MAP7: variants seen among roughly 807,000 people sequenced by gnomAD.
The protein encoded by MAP7 is microtubule associated protein 7.
In MAP7, 52 loss-of-function variants were observed where a neutral mutation model predicts 94.8. The observed-to-expected ratio is 0.55, with a 90% CI of 0.44 to 0.69. The LOEUF (loss-of-function observed/expected upper bound fraction) is 0.69. Ranked by LOEUF, MAP7 falls within the 30% of genes least tolerant of loss-of-function variation. The pLI, the probability that MAP7 is intolerant of heterozygous loss-of-function variation, is 0.00. For missense variants in MAP7, 940 were observed against 964.6 expected (o/e 0.97, Z 0.34); for synonymous variants, 350 against 357.0 (o/e 0.98, Z 0.22).
chr6:136,466,903 C>T, intron 1 of MAP7: 2 of 1,502,238 alleles, frequency 1.3e-6, no homozygotes, highest in South Asian at 2.6e-5. Context: ...ATCATGCTAA[C>T]TATTATCTCT....
rs758758122 is a variant in MAP7, at chr6:136,356,645, G to A, written c.2015+47C>T. On this transcript the variant is annotated intron_variant, in intron 16 of 17. Transcript: ENST00000354570. ...TTTGAAATTCTGGTGGAGCTGGTGG[G>A]TAAAAACAGTAATGTTTTACTTTAA... 10 of 1,440,522 alleles carry A rather than the reference G, an allele frequency of 6.9e-6. No individual in the cohort carries two copies. The African/African-American group carries it at 1.3e-4, about 18-fold the overall frequency. 89.2% of individuals were successfully genotyped at this position (1,440,522 alleles called of 1,614,324 possible).
At chr6:136,423,055 T>C (rs1230532445) in intron 1 of MAP7, among the ~76,000 whole-genome samples, 1 of 152,192 alleles carries the variant, frequency 6.6e-6, no homozygotes, top group Non-Finnish European at 1.5e-5. Flanking sequence ...AAAGATTAAC[T>C]GAGAAGACAC....
intron 2 of MAP7, among the ~76,000 whole-genome samples, chr6:136,419,676 G>A (rs1044657656): frequency 6.6e-6 from 1 of 152,208 alleles, no homozygotes; most frequent in African/African-American, 2.4e-5. Context: ...ACATTCAGGT[G>A]AGTGTATCAC....
At chr6:136,428,268 C>A (rs1233837324) in intron 1 of MAP7, among the ~76,000 whole-genome samples, 2 of 152,170 alleles carry the variant, frequency 1.3e-5, no homozygotes, top group African/African-American at 4.8e-5. Context: ...GCAATCCCAG[C>A]ACTTTGGGAG....
chr6:136,447,413 T>C (rs950455248), intron 1 of MAP7, among the ~76,000 whole-genome samples: 4 of 152,250 alleles, frequency 2.6e-5, no homozygotes, highest in Non-Finnish European at 5.9e-5. Context: ...TATTATTTCC[T>C]GTTCCATTTT....
chr6:136,481,756 G>T (rs1051790486), intron 1 of MAP7, among the ~76,000 whole-genome samples: 1 of 152,144 alleles, frequency 6.6e-6, no homozygotes, highest in African/African-American at 2.4e-5. Flanking sequence ...ATAACTAAAA[G>T]AGTATAACTG....
intron 15 of MAP7, among the ~76,000 whole-genome samples, chr6:136,359,341 A>G (rs1042745103): frequency 3.6e-4 from 55 of 152,322 alleles, no homozygotes; most frequent in African/African-American, 1.2e-3. Flanking sequence ...TTTTGAAGTC[A>G]GATCTAAGAT....
At chr6:136,480,228 G>A (rs955890260) in intron 1 of MAP7, among the ~76,000 whole-genome samples, 1 of 152,078 alleles carries the variant, frequency 6.6e-6, no homozygotes, top group African/African-American at 2.4e-5. Flanking sequence ...AAGTTGCCAA[G>A]AACATAAACT....
intron 1 of MAP7, among the ~76,000 whole-genome samples, chr6:136,515,393 G>A (rs1161552922): frequency 6.6e-6 from 1 of 152,162 alleles, no homozygotes; most frequent in Admixed American, 6.5e-5. Flanking sequence ...CTTCCTTTAA[G>A]AACTTTTCCT....
At chr6:136,542,196 T>C (rs938411382) in intron 1 of MAP7, among the ~76,000 whole-genome samples, 1 of 152,254 alleles carries the variant, frequency 6.6e-6, no homozygotes, top group Non-Finnish European at 1.5e-5. Flanking sequence ...AAATGCCATT[T>C]AAATGTGTCA....
chr6:136,431,328 C>CA (rs1036280929), intron 1 of MAP7, among the ~76,000 whole-genome samples: 72 of 151,554 alleles, frequency 4.8e-4, no homozygotes, highest in Non-Finnish European at 9.7e-4. Context: ...AGAGGCAAAA[C>CA]AAAAAAATGT....
chr6:136,432,370 G>T (rs1300953127), intron 1 of MAP7, among the ~76,000 whole-genome samples: 1 of 152,132 alleles, frequency 6.6e-6, no homozygotes, highest in African/African-American at 2.4e-5. Context: ...AGCAGGTCCT[G>T]GTTCGTTATA....
intron 3 of MAP7, among the ~76,000 whole-genome samples, chr6:136,403,120 T>A (rs1423568327): frequency 6.6e-6 from 1 of 152,070 alleles, no homozygotes; most frequent in Non-Finnish European, 1.5e-5. Context: ...TCTCTTCACC[T>A]GGGGCTGTCC....
chr6:136,512,234 T>C (rs1823499573), intron 1 of MAP7, among the ~76,000 whole-genome samples: 1 of 152,226 alleles, frequency 6.6e-6, no homozygotes, highest in Non-Finnish European at 1.5e-5. Flanking sequence ...CTCCAATCAG[T>C]TATCTTATGA....
chr6:136,478,965 TCAAA>T (rs1434949207), intron 1 of MAP7, among the ~76,000 whole-genome samples: 2 of 20,854 alleles, frequency 9.6e-5, no homozygotes, highest in Non-Finnish European at 2.1e-4. Flanking sequence ...GATACCAAAA[TCAAA>T]CAGACACATC....
chr6:136,535,334 G>A (rs1332287314), intron 1 of MAP7, among the ~76,000 whole-genome samples: 1 of 152,152 alleles, frequency 6.6e-6, no homozygotes, highest in East Asian at 1.9e-4. Context: ...CTCAGCAGAA[G>A]CCGAGCAGAT....
intron 1 of MAP7, among the ~76,000 whole-genome samples, chr6:136,534,641 T>C (rs1200385704): frequency 6.6e-6 from 1 of 152,242 alleles, no homozygotes; most frequent in Non-Finnish European, 1.5e-5. Flanking sequence ...TTTACTCAGA[T>C]AATTTTCCAA....
At chr6:136,525,301 C>T (rs1827523123) in intron 1 of MAP7, among the ~76,000 whole-genome samples, 1 of 152,200 alleles carries the variant, frequency 6.6e-6, no homozygotes, top group Non-Finnish European at 1.5e-5. Context: ...CCACATTCGC[C>T]CTCAATGTTT....
At position 136,429,527 on chromosome 6, in the gene MAP7, T is replaced by C. The variant is rs188499285; in HGVS notation, c.68-7728A>G. Among the ~76,000 whole-genome samples the C allele has an allele frequency of 2.0e-5, 3 of 152,314 alleles. No individual in the cohort carries two copies. In the East Asian group the frequency reaches 5.8e-4, roughly 29 times the overall value. On this transcript the variant is annotated intron_variant, in intron 1 of 17. Coordinates refer to ENST00000354570, the MANE Select transcript of MAP7 (RefSeq NM_003980.6). The stretch of plus-strand genomic sequence containing the variant: ...TTTCCCAAGCAGTTAATAAATTTAT[T>C]TTGATAATCTGTTATGTAGCCAAAT...
Sources: gnomAD v4.1 joint callset for allele counts (sites outside exome capture counted in the v4.1 genomes callset) on GRCh38, gnomAD v4.1.1 for gene constraint, MANE v1.5 for transcripts, NCBI Gene and HGNC (gene_info 2026-07-23, HGNC 2026-07-21) for gene names.